CWH43: variants seen among roughly 807,000 people sequenced by gnomAD.
CWH43 encodes the protein cell wall biogenesis 43 C-terminal homolog.
In CWH43, 91 loss-of-function variants were observed where a neutral mutation model predicts 85.7. That is an observed-to-expected ratio of 1.06 (90% CI 0.90 to 1.26). The LOEUF is 1.26. Ranked by LOEUF, CWH43 falls within the 50% of genes most tolerant of loss-of-function variation. The pLI is 0.00. For synonymous variants in CWH43, 323 were observed against 293.6 expected (o/e 1.10, Z -1.02); for missense variants, 869 against 839.2 (o/e 1.04, Z -0.44).
intron 12 of CWH43, among the ~76,000 whole-genome samples, chr4:49,033,950 A>G (rs1784184226): frequency 1.3e-5 from 2 of 152,020 alleles, no homozygotes; most frequent in Admixed American, 6.6e-5. Flanking sequence ...TGTGTGTGCC[A>G]CTCTTATTTC....
intron 12 of CWH43, among the ~76,000 whole-genome samples, chr4:49,034,294 A>G (rs1463037249): frequency 6.6e-6 from 1 of 152,222 alleles, no homozygotes; most frequent in Non-Finnish European, 1.5e-5. Flanking sequence ...TTTAAAAAAA[A>G]TAATACTTTC....
intron 14 of CWH43, among the ~76,000 whole-genome samples, chr4:49,045,159 A>G (rs1784585926): frequency 6.6e-6 from 1 of 152,120 alleles, no homozygotes; most frequent in Non-Finnish European, 1.5e-5. Context: ...TTTTGAATGT[A>G]TGGGTTAGTG....
chr4:49,037,925 ACT>A (rs1784308501), intron 12 of CWH43, 109 bp from the exon 13 acceptor site: 1 of 826,094 alleles, frequency 1.2e-6, no homozygotes, highest in African/African-American at 1.7e-5. Flanking sequence ...AGTAGGAATG[ACT>A]CTGGGCTTCT....
At chr4:49,000,249 G>GT (rs557719521) in intron 6 of CWH43, among the ~76,000 whole-genome samples, 57 of 152,256 alleles carry the variant, frequency 3.7e-4, no homozygotes, top group African/African-American at 1.3e-3. Context: ...TCTGTACACC[G>GT]TAAGTGCCGT....
At chr4:49,036,092 T>C (rs1784253464) in intron 12 of CWH43, among the ~76,000 whole-genome samples, 1 of 152,124 alleles carries the variant, frequency 6.6e-6, no homozygotes, top group South Asian at 2.1e-4. Flanking sequence ...CAGAGCCCAG[T>C]GAGACCCAGA....
At chr4:49,056,278 A>G (rs10024211) in intron 15 of CWH43, among the ~76,000 whole-genome samples, 88,408 of 152,012 alleles carry the variant, frequency 0.58, 28,894 homozygotes, top group Middle Eastern at 0.75. Flanking sequence ...TGTAGAATTC[A>G]CCAGTGAGGC....
intron 15 of CWH43, among the ~76,000 whole-genome samples, chr4:49,054,535 C>G (rs1784894311): frequency 6.6e-6 from 1 of 151,910 alleles, no homozygotes; most frequent in South Asian, 2.1e-4. Flanking sequence ...TTTTTCTATT[C>G]CTGTGAAAAA....
At chr4:49,032,796 C>G in intron 12 of CWH43, 81 bp downstream of exon 12, 3 of 1,488,354 alleles carry the variant, frequency 2.0e-6, no homozygotes, top group Non-Finnish European at 1.9e-6. Context: ...TATGAAATCA[C>G]CTTTCTCATT....
Position 49,032,330 on chromosome 4 carries a change from T to C in CWH43, c.1509-236T>C, listed in dbSNP as rs557464373. On this transcript the variant is annotated intron_variant, in intron 11 of 15. Coordinates refer to ENST00000226432, the MANE Select transcript of CWH43 (RefSeq NM_025087.3). ...TAATGCTGCCCTTTTCATGTGTCCA[T>C]AGCACTTATTAAAACAGAGTTGATG... is the stretch of plus-strand genomic sequence containing the variant. 9.2e-5 allele frequency among the ~76,000 whole-genome samples: 14 copies of C among 152,324 alleles called. No homozygotes were observed. In the South Asian group the frequency reaches 2.7e-3, roughly 29 times the overall value.
chr4:49,058,203 G>A (rs1310501091), intron 15 of CWH43, among the ~76,000 whole-genome samples: 3 of 151,958 alleles, frequency 2.0e-5, no homozygotes, highest in Admixed American at 6.6e-5. Flanking sequence ...GATTTGATGA[G>A]TTTTTTGGTA....
At chr4:49,059,933 T>G (rs887268339) in intron 15 of CWH43, among the ~76,000 whole-genome samples, 1 of 152,142 alleles carries the variant, frequency 6.6e-6, no homozygotes, top group East Asian at 1.9e-4. Flanking sequence ...TTGGGATAGA[T>G]CTGGAACCTG....
Position 48,992,097 on chromosome 4 carries a change from C to G in CWH43, c.511+7C>G, listed in dbSNP as rs1322422110. On this transcript the variant is annotated splice_region_variant and intron_variant, in intron 4 of 15. Transcript: ENST00000226432. This position sits in a 1 kb window ranked among gnomAD's most constrained non-coding sequence, Gnocchi z 4.3. ...CTTGATCGTATTGGCACAGGTAATA[C>G]TGTAACTTAGGAATTTTCTCTTTGC... 6.2e-7 allele frequency: 1 copy of G among 1,604,384 alleles called. No homozygotes were observed.
chr4:49,047,401 G>T (rs1045272631), intron 14 of CWH43, among the ~76,000 whole-genome samples: 3 of 152,120 alleles, frequency 2.0e-5, no homozygotes, highest in Non-Finnish European at 2.9e-5. Flanking sequence ...ATAAATAATT[G>T]CAGGATGATC....
chr4:49,023,572 G>A (rs1029207424), intron 9 of CWH43, among the ~76,000 whole-genome samples: 15 of 151,886 alleles, frequency 9.9e-5, no homozygotes, highest in East Asian at 5.8e-4. Context: ...ATGGGGTTTC[G>A]CCCCATGTTG....
intron 11 of CWH43, chr4:49,031,203 C>T (rs1002268052): frequency 2.6e-6 from 1 of 389,250 alleles, no homozygotes; most frequent in South Asian, 7.2e-5. Context: ...GTTGCAGCAC[C>T]AAGCATGTCT....
At chr4:48,986,780 C>A in intron 1 of CWH43, 4 of 1,226,852 alleles carry the variant, frequency 3.3e-6, no homozygotes, top group East Asian at 3.9e-5. Flanking sequence ...TGACCCCGCG[C>A]GGCCGGTACC....
chr4:49,019,620 C>A (rs1371390905), intron 9 of CWH43, among the ~76,000 whole-genome samples: 2 of 151,814 alleles, frequency 1.3e-5, no homozygotes, highest in Admixed American at 1.3e-4. Context: ...CACTCTGTAA[C>A]CCAGGCTGGG....
At position 48,992,379 on chromosome 4, in the gene CWH43, C is replaced by G. The variant is rs1014728861; in HGVS notation, c.511+289C>G. Among the ~76,000 whole-genome samples the G allele has an allele frequency of 3.9e-5, 6 of 152,172 alleles. No homozygotes were observed. The highest frequency in any genetic ancestry group is 1.4e-4 in the African/African-American group (6 of 41,436). On this transcript the variant is annotated intron_variant, in intron 4 of 15. Transcript: ENST00000226432. The surrounding 1 kb of genome is among the most constrained non-coding windows in gnomAD (Gnocchi z 4.3). ...CAGGCCTCATATCCCAGCTGGCATT[C>G]AGCTCTGTCTTCCTCCTTCTTTCCC...
intron 14 of CWH43, 138 bp from the exon 15 acceptor site, chr4:49,050,556 A>T (rs1784760727): frequency 1.8e-6 from 1 of 541,344 alleles, no homozygotes; most frequent in Non-Finnish European, 3.2e-6. Flanking sequence ...TTAACAATTT[A>T]AGTTAATTCC....
Sources: gnomAD v4.1 joint callset for allele counts (sites outside exome capture counted in the v4.1 genomes callset) on GRCh38, gnomAD v4.1.1 for gene constraint, Gnocchi (gnomAD v3.1) non-coding constraint, MANE v1.5 for transcripts, NCBI Gene and HGNC (gene_info 2026-07-23, HGNC 2026-07-21) for gene names.